The following TMEM167A variants were observed in gnomAD, a reference collection of about 807,000 sequenced individuals.
TMEM167A encodes transmembrane protein 167A.
Under a neutral mutation model 11.6 loss-of-function variants are expected in TMEM167A, and 8 were observed. The ratio of observed to expected loss-of-function variants is 0.69; its 90% confidence interval spans 0.40 to 1.24. The LOEUF (loss-of-function observed/expected upper bound fraction) is 1.24. Ranked by LOEUF, TMEM167A falls within the 50% of genes most tolerant of loss-of-function variation. The pLI is 0.01. For missense variants in TMEM167A, 62 were observed against 87.0 expected (o/e 0.71, Z 1.14); for synonymous variants, 22 against 28.0 (o/e 0.79, Z 0.67).
intron 1 of TMEM167A, among the ~76,000 whole-genome samples, chr5:83,074,209 A>G (rs1002415179): frequency 6.6e-6 from 1 of 152,212 alleles, no homozygotes; most frequent in Admixed American, 6.5e-5. Context: ...TGCCACATTA[A>G]GGCTCCATGC....
At chr5:83,068,813 A>C (rs1744520600) in intron 1 of TMEM167A, among the ~76,000 whole-genome samples, 1 of 152,188 alleles carries the variant, frequency 6.6e-6, no homozygotes, top group African/African-American at 2.4e-5. Context: ...ATGACTTTGT[A>C]ATGTGTTCTC....
At chr5:83,063,638 T>C (rs1224719759) in intron 2 of TMEM167A, among the ~76,000 whole-genome samples, 1 of 152,062 alleles carries the variant, frequency 6.6e-6, no homozygotes, top group Admixed American at 6.6e-5. Context: ...AGCACCACTT[T>C]GGTTTTTTCC....
rs188854670 is a variant in TMEM167A, at chr5:83,055,515, T to C, written c.*1569A>G. On this transcript the variant is annotated 3_prime_UTR_variant, in exon 4 of 4. Coordinates refer to ENST00000502346, the MANE Select transcript of TMEM167A (RefSeq NM_174909.5). ...AATGATTATAACCTGATTCCCTATC[T>C]AAAGCAAAATATACCACTTTTAACT... 2 of 152,048 alleles carry C rather than the reference T, an allele frequency of 1.3e-5. No individual in the cohort carries two copies. Among genetic ancestry groups the C allele is most frequent in the East Asian group, 3.9e-4 (2 of 5,188 alleles). The allele number at this position is 152,048 out of a possible 1,614,324, so 9.4% of individuals were successfully genotyped here.
At chr5:83,059,294 T>C (rs993763715) in intron 3 of TMEM167A, among the ~76,000 whole-genome samples, 1 of 152,004 alleles carries the variant, frequency 6.6e-6, no homozygotes, top group African/African-American at 2.4e-5. Flanking sequence ...CAAGCAATAA[T>C]TGTGAACAAA....
chr5:83,073,678 G>A (rs954094334), intron 1 of TMEM167A, among the ~76,000 whole-genome samples: 1 of 152,232 alleles, frequency 6.6e-6, no homozygotes, highest in Non-Finnish European at 1.5e-5. Context: ...TCTCTGGGAT[G>A]TAGAAGGGAA....
intron 3 of TMEM167A, 58 bp from the exon 4 acceptor site, chr5:83,057,212 CA>C: frequency 6.9e-7 from 1 of 1,454,698 alleles, no homozygotes; most frequent in Non-Finnish European, 9.6e-7. Flanking sequence ...CTGGCTATGA[CA>C]AGGTTATACT....
chr5:83,076,656 T>A (rs1325403215), intron 1 of TMEM167A, among the ~76,000 whole-genome samples: 2 of 152,240 alleles, frequency 1.3e-5, no homozygotes, highest in Non-Finnish European at 2.9e-5. Context: ...TTTGCAGGCA[T>A]GCATCCTTTG....
chr5:83,075,935 C>T (rs920953883), intron 1 of TMEM167A, among the ~76,000 whole-genome samples: 3 of 152,118 alleles, frequency 2.0e-5, no homozygotes, highest in Non-Finnish European at 2.9e-5. Context: ...CTTTTGACAT[C>T]CCAAGCTCAC....
At chr5:83,070,209 AGAGATATACACT>A (rs1326804051) in intron 1 of TMEM167A, among the ~76,000 whole-genome samples, 1 of 152,098 alleles carries the variant, frequency 6.6e-6, no homozygotes, top group African/African-American at 2.4e-5. Flanking sequence ...TTAATTCTTA[AGAGATATACACT>A]TTCAAAAGAT....
In TMEM167A at chr5:83,065,111, T is replaced by C. The variant is rs1158534021; in HGVS notation, c.10A>G (p.Ile4Val). The change falls in exon 2 of 4, where the codon ATT (isoleucine) becomes GTT (valine). Residue 4 changes from isoleucine (I) to valine (V), a missense_variant. Coordinates refer to ENST00000502346, the MANE Select transcript of TMEM167A (RefSeq NM_174909.5). Reference protein sequence around the residue: MSAIFNFQSLLTVI... With the variant: MSAVFNFQSLLTVI... ...GTCAATAGACTCTGAAAATTGAAAATGGCAGACTAAAAAGAAAAAAAAAAA... is the reference window on the plus strand; with the variant it reads ...GTCAATAGACTCTGAAAATTGAAAACGGCAGACTAAAAAGAAAAAAAAAAA... The C allele has an allele frequency of 4.5e-6, 7 of 1,553,872 alleles. No individual in the cohort carries two copies. The highest frequency in any genetic ancestry group is 4.3e-5 in the African/African-American group (3 of 70,398).
At chr5:83,057,624 T>C (rs1384287225) in intron 3 of TMEM167A, among the ~76,000 whole-genome samples, 1 of 152,004 alleles carries the variant, frequency 6.6e-6, no homozygotes, top group East Asian at 1.9e-4. Context: ...GGAGCATTCA[T>C]GGATGAAAAT....
intron 3 of TMEM167A, 120 bp from the exon 4 acceptor site, chr5:83,057,274 G>T (rs1228541535): frequency 8.6e-6 from 7 of 809,378 alleles, no homozygotes; most frequent in Non-Finnish European, 1.4e-5. Flanking sequence ...CACATTGGGG[G>T]TGGGGCAGTG....
At chr5:83,064,338 C>T (rs573737857) in intron 2 of TMEM167A, 2 of 518,234 alleles carry the variant, frequency 3.9e-6, no homozygotes, top group East Asian at 5.5e-5. Context: ...CCACATGCAA[C>T]CTACTTGCTT....
chr5:83,061,805 T>G, intron 3 of TMEM167A, 72 bp downstream of exon 3: 799 of 1,360,932 alleles, frequency 5.9e-4, no homozygotes, highest in Non-Finnish European at 7.6e-4. Context: ...ATTTGACTTG[T>G]GAGATTATAA....
chr5:83,072,473 T>G, intron 1 of TMEM167A, among the ~76,000 whole-genome samples: 1 of 152,192 alleles, frequency 6.6e-6, no homozygotes, highest in East Asian at 1.9e-4. Context: ...TAAAAAGCCA[T>G]CATTGCCCAG....
chr5:83,071,576 C>T (rs1744561123), intron 1 of TMEM167A: 1 of 152,122 alleles, frequency 6.6e-6, no homozygotes, highest in African/African-American at 2.4e-5. Flanking sequence ...TATGAATGCA[C>T]AAACACACAT....
At chr5:83,068,249 G>A (rs1024606529) in intron 1 of TMEM167A, among the ~76,000 whole-genome samples, 1 of 151,928 alleles carries the variant, frequency 6.6e-6, no homozygotes, top group Non-Finnish European at 1.5e-5. Flanking sequence ...AGGCAGTGGG[G>A]ATTAAAAAAA....
chr5:83,058,744 C>T (rs553278246), intron 3 of TMEM167A, among the ~76,000 whole-genome samples: 101 of 152,038 alleles, frequency 6.6e-4, no homozygotes, highest in Non-Finnish European at 1.2e-3. Context: ...AATTAGAATG[C>T]TATCATTTAC....
At chr5:83,074,987 C>T (rs1212667880) in intron 1 of TMEM167A, among the ~76,000 whole-genome samples, 1 of 152,152 alleles carries the variant, frequency 6.6e-6, no homozygotes, top group Non-Finnish European at 1.5e-5. Context: ...TCAGGCTGGT[C>T]TCCAACTCCC....
Sources: gnomAD v4.1 joint callset for allele counts (sites outside exome capture counted in the v4.1 genomes callset) on GRCh38, gnomAD v4.1.1 for gene constraint, MANE v1.5 for transcripts, NCBI Gene and HGNC (gene_info 2026-07-23, HGNC 2026-07-21) for gene names.